The following PEMT variants were observed in gnomAD, a reference collection of about 807,000 sequenced individuals.
PEMT encodes phosphatidylethanolamine N-methyltransferase, also known as phospholipid methyltransferase.
Under a neutral mutation model 27.4 loss-of-function variants are expected in PEMT, and 23 were observed. The ratio of observed to expected loss-of-function variants is 0.84; its 90% CI spans 0.60 to 1.19. The LOEUF (loss-of-function observed/expected upper bound fraction) is 1.19. Among genes scored for constraint, PEMT ranks in the 50% most tolerant of loss-of-function variants. The pLI is 0.00. For synonymous variants in PEMT, 137 were observed against 139.1 expected (o/e 0.98, Z 0.11); for missense variants, 307 against 310.1 (o/e 0.99, Z 0.07).
intron 2 of PEMT, among the ~76,000 whole-genome samples, chr17:17,554,509 C>A (rs996492628): frequency 1.3e-5 from 2 of 152,262 alleles, no homozygotes; most frequent in African/African-American, 4.8e-5. Context: ...AGCCAGCAAA[C>A]GTGAGCTGCG....
intron 2 of PEMT, among the ~76,000 whole-genome samples, chr17:17,529,942 G>A (rs1043920662): frequency 3.3e-5 from 5 of 152,178 alleles, no homozygotes; most frequent in African/African-American, 9.7e-5. Flanking sequence ...TCTATCTATT[G>A]CTATGGTGTA....
intron 1 of PEMT, among the ~76,000 whole-genome samples, chr17:17,580,532 C>A (rs1054871957): frequency 1.3e-5 from 2 of 152,152 alleles, no homozygotes; most frequent in African/African-American, 4.8e-5. Context: ...TGTCCCTTGA[C>A]AGCCTGGTGG....
intron 5 of PEMT, chr17:17,508,683 C>T (rs1328699223): frequency 2.2e-5 from 9 of 416,242 alleles, no homozygotes; most frequent in African/African-American, 6.4e-5. Context: ...GGGCAGCGCC[C>T]GCTGTGCCAT....
intron 2 of PEMT, among the ~76,000 whole-genome samples, chr17:17,553,384 C>G (rs529742886): frequency 1.2e-4 from 19 of 152,308 alleles, no homozygotes; most frequent in Non-Finnish European, 2.2e-4. Context: ...TGTAACTATC[C>G]CTGTCTTCTG....
intron 5 of PEMT, chr17:17,507,641 GCCA>G (rs1201804070): frequency 1.2e-5 from 2 of 167,052 alleles, no homozygotes; most frequent in African/African-American, 4.8e-5. Flanking sequence ...TCACAGCCAG[GCCA>G]CCACCTCTGC....
chr17:17,505,964 C>T, intron 6 of PEMT, 116 bp from the exon 7 acceptor site: 1 of 1,412,612 alleles, frequency 7.1e-7, no homozygotes, highest in Admixed American at 2.8e-5. Flanking sequence ...GGATCCCCTT[C>T]ATCCCCCAGA....
intron 1 of PEMT, among the ~76,000 whole-genome samples, chr17:17,587,197 G>A (rs1912362438): frequency 6.6e-6 from 1 of 151,878 alleles, no homozygotes. Context: ...CAGCCAGCCT[G>A]ACCAAGAAAA....
intron 2 of PEMT, 60 bp downstream of exon 2, chr17:17,576,860 T>C: frequency 7.4e-7 from 1 of 1,356,698 alleles, no homozygotes; most frequent in South Asian, 1.2e-5. Flanking sequence ...ATCCCCTGCA[T>C]GTGGGGCTCA....
chr17:17,574,259 A>AC (rs1218289382), intron 2 of PEMT, among the ~76,000 whole-genome samples: 3 of 144,280 alleles, frequency 2.1e-5, no homozygotes, highest in East Asian at 3.9e-4. Flanking sequence ...AAAAAAAAAA[A>AC]AAAAAACCGT....
At chr17:17,576,747 A>G (rs944881671) in intron 2 of PEMT, among the ~76,000 whole-genome samples, 173 bp downstream of exon 2, 4 of 152,192 alleles carry the variant, frequency 2.6e-5, no homozygotes, top group Non-Finnish European at 5.9e-5. Flanking sequence ...TCCCCAAGGC[A>G]AGACGGCAGG....
intron 1 of PEMT, among the ~76,000 whole-genome samples, chr17:17,586,292 A>AAGG (rs1912308812): frequency 9.3e-6 from 1 of 107,186 alleles, no homozygotes; most frequent in African/African-American, 5.5e-5. Flanking sequence ...AAGAAAGAAA[A>AAGG]AAAAAAACGC....
In PEMT at chr17:17,591,631, G is replaced by C. The variant is rs368150265; in HGVS notation, c.-5C>G. 1 of 1,610,412 alleles carries C rather than the reference G, an allele frequency of 6.2e-7. No homozygotes were observed. Among genetic ancestry groups the C allele is most frequent in the Non-Finnish European group, 8.5e-7 (1 of 1,178,580 alleles). ...CGGGTTCCCAGATCTCTTCATCCGGGGGCCGCCTCAGGAGGCACCACGCGG... is the reference window on the plus strand; with the variant it reads ...CGGGTTCCCAGATCTCTTCATCCGGCGGCCGCCTCAGGAGGCACCACGCGG... On this transcript the variant is annotated 5_prime_UTR_variant, in exon 1 of 7. Transcript: ENST00000255389.
intron 2 of PEMT, among the ~76,000 whole-genome samples, chr17:17,564,772 G>T (rs746806734): frequency 6.6e-6 from 1 of 152,138 alleles, no homozygotes; most frequent in Non-Finnish European, 1.5e-5. Context: ...CACACCCACC[G>T]CCCATGCCAA....
intron 2 of PEMT, among the ~76,000 whole-genome samples, chr17:17,534,473 G>A (rs1421870548): frequency 6.6e-6 from 1 of 152,244 alleles, no homozygotes; most frequent in East Asian, 1.9e-4. Context: ...TCAAAGGTGG[G>A]AATGGATATG....
Position 17,586,187 on chromosome 17 carries a change from AAAG to A in PEMT, c.96+5341_96+5343del, listed in dbSNP as rs1490748585. Among the ~76,000 whole-genome samples the A allele has an allele frequency of 8.4e-4, 126 of 149,226 alleles. 2 individuals are homozygous for A. The highest frequency in any genetic ancestry group is 2.8e-3 in the African/African-American group (112 of 40,272). ...GAGAAAAAGAAAGAAAGAAAAAGAA[AAAG>A]AAGGAAGGAAAGAAAGAAAGAAAGA... On this transcript the variant is annotated intron_variant, in intron 1 of 6. Coordinates refer to ENST00000255389, the MANE Select transcript of PEMT (RefSeq NM_148172.3).
chr17:17,508,809 T>G (rs1459211710), intron 5 of PEMT: 1 of 460,988 alleles, frequency 2.2e-6, no homozygotes, highest in African/African-American at 2.0e-5. Context: ...CGGGGCCCCC[T>G]CTGTGGGAAG....
chr17:17,560,232 C>T (rs1011220676), intron 2 of PEMT, among the ~76,000 whole-genome samples: 4 of 152,290 alleles, frequency 2.6e-5, no homozygotes, highest in Admixed American at 2.0e-4. Context: ...GCCCCAGCCT[C>T]GGGGACACCA....
chr17:17,505,662 A>T lies in PEMT; in HGVS notation c.*129T>A. 1 of 1,084,214 alleles carries T rather than the reference A, an allele frequency of 9.2e-7. No homozygotes were observed. The highest frequency in any genetic ancestry group is 1.2e-6 in the Non-Finnish European group (1 of 803,890). 67.2% of individuals were successfully genotyped at this position (1,084,214 alleles called of 1,614,324 possible). A position where few individuals can be genotyped will look rare whatever the true frequency, so the allele number is the denominator to read the frequency against. On this transcript the variant is annotated 3_prime_UTR_variant, in exon 7 of 7. Transcript: ENST00000255389. ...AGGGTCCCCAAGGCAGCAGGTTCCA[A>T]GGCACTGGGGCAGCCCACGCCGGGG...
intron 4 of PEMT, among the ~76,000 whole-genome samples, chr17:17,510,614 G>A (rs1262734560): frequency 2.0e-5 from 3 of 152,220 alleles, no homozygotes; most frequent in African/African-American, 7.2e-5. Context: ...CCCAATTCGA[G>A]CTGAGTCACA....
Sources: allele counts gnomAD v4.1 joint callset (sites outside exome capture counted in the v4.1 genomes callset), GRCh38; gene constraint gnomAD v4.1.1; transcripts MANE v1.5; gene names NCBI Gene and HGNC (gene_info 2026-07-23, HGNC 2026-07-21).